Variants in LMF1 observed in about 807,000 individuals in gnomAD.
The protein encoded by LMF1 is lipase maturation factor 1.
Under a neutral mutation model 60.6 loss-of-function variants are expected in LMF1, and 68 were observed. The ratio of observed to expected loss-of-function variants is 1.12; its 90% CI spans 0.92 to 1.37. LMF1 has a LOEUF of 1.37. LMF1 is among the 40% of genes most tolerant of loss of function. LMF1 has a pLI of 0.00. For missense variants in LMF1, 948 were observed against 767.2 expected (o/e 1.24, Z -2.78); for synonymous variants, 418 against 324.7 (o/e 1.29, Z -3.09).
chr16:873,696 T>A (rs1362258362), intron 6 of LMF1: 2 of 152,120 alleles, frequency 1.3e-5, no homozygotes, highest in Non-Finnish European at 2.9e-5. Context: ...GTGTTCCAGG[T>A]GGGCACTCTG....
intron 10 of LMF1, among the ~76,000 whole-genome samples, chr16:862,272 T>C (rs909206951): frequency 2.0e-5 from 3 of 150,918 alleles, no homozygotes; most frequent in Non-Finnish European, 4.4e-5. Flanking sequence ...ACCTGCCGAG[T>C]AGTTGGGATT....
In LMF1 at chr16:976,500, G is replaced by A. The variant is rs981177672; in HGVS notation, c.-135+4645C>T. ...TGGGCCTCCCTCGACGGAAGGTGAC[G>A]CTCTCTGGGAGGTCCTTGGTGCTCA... On this transcript the variant is annotated intron_variant, in intron 1 of 6. Coordinates refer to the LMF1 transcript ENST00000570014. 56 of 453,988 alleles carry A rather than the reference G, an allele frequency of 1.2e-4. No individual in the cohort carries two copies. In the Admixed American group the frequency reaches 1.3e-3, roughly 10 times the overall value. The allele number at this position is 453,988 out of a possible 1,614,324, so 28.1% of individuals were successfully genotyped here. A position where few individuals can be genotyped will look rare whatever the true frequency, so the allele number is the denominator to read the frequency against.
At chr16:960,029 G>A (rs905288881) in intron 1 of LMF1, among the ~76,000 whole-genome samples, 2 of 152,190 alleles carry the variant, frequency 1.3e-5, no homozygotes, top group Non-Finnish European at 2.9e-5. Context: ...GACACACAGA[G>A]CCTAGCTCTA....
At chr16:917,022 G>A (rs1425792419) in intron 3 of LMF1, among the ~76,000 whole-genome samples, 2 of 152,206 alleles carry the variant, frequency 1.3e-5, no homozygotes, top group Admixed American at 6.5e-5. Flanking sequence ...ACTGCTCAGC[G>A]TCGGGGATGG....
intron 4 of LMF1, among the ~76,000 whole-genome samples, chr16:905,811 G>A (rs562477994): frequency 6.6e-6 from 1 of 152,118 alleles, no homozygotes; most frequent in South Asian, 2.1e-4. Flanking sequence ...GTCTCACTAT[G>A]TTGCCCAGTC....
chr16:953,438 CGGA>C (rs1567309963), intron 2 of LMF1, among the ~76,000 whole-genome samples: 6 of 64,976 alleles, frequency 9.2e-5, no homozygotes, highest in Admixed American at 2.9e-4. Context: ...CACACAGACA[CGGA>C]CCCCACACCA....
chr16:954,134 G>A, intron 2 of LMF1: 1 of 672,818 alleles, frequency 1.5e-6, no homozygotes. Flanking sequence ...CTTTAAGTAA[G>A]GAAGAGCTAC....
At chr16:931,523 C>A in intron 3 of LMF1, 2 of 796,106 alleles carry the variant, frequency 2.5e-6, no homozygotes, top group East Asian at 6.6e-5. Context: ...CTGCATTCTC[C>A]CAGGCCGTCC....
Position 962,794 on chromosome 16 carries a change from T to C in LMF1, c.193+7994A>G, listed in dbSNP as rs994641704. Among the ~76,000 whole-genome samples the C allele has an allele frequency of 2.0e-5, 3 of 152,164 alleles. No individual in the cohort carries two copies. The highest frequency in any genetic ancestry group is 7.2e-5 in the African/African-American group (3 of 41,428). ...GCACGGGTGGAAAAGCCATAGAGTC[T>C]GCAGTTTCAGTTAATAGTTTTATTT... On this transcript the variant is annotated intron_variant, in intron 1 of 10. Transcript: ENST00000262301. This position sits in a 1 kb window ranked among gnomAD's most constrained non-coding sequence, Gnocchi z 4.5.
At position 962,564 on chromosome 16, in the gene LMF1, T is replaced by C. The variant is rs2072833016; in HGVS notation, c.194-7898A>G. On this transcript the variant is annotated intron_variant, in intron 1 of 10. Coordinates refer to ENST00000262301, the MANE Select transcript of LMF1 (RefSeq NM_022773.4). The surrounding 1 kb of genome is among the most constrained non-coding windows in gnomAD (Gnocchi z 4.5). ...TGACGGGAAGGGCCCCGCACCTCTGTGGGCGTCTTCCCAAAACCCATCACC... is the reference window on the plus strand; with the variant it reads ...TGACGGGAAGGGCCCCGCACCTCTGCGGGCGTCTTCCCAAAACCCATCACC... Among the ~76,000 whole-genome samples, 1 of 152,150 alleles carries C rather than the reference T, an allele frequency of 6.6e-6. No individual in the cohort carries two copies. The highest frequency in any genetic ancestry group is 1.5e-5 in the Non-Finnish European group (1 of 68,034).
chr16:962,631 G>A lies in LMF1; in HGVS notation c.194-7965C>T, dbSNP rs1391812953. On this transcript the variant is annotated intron_variant, in intron 1 of 10. Coordinates refer to ENST00000262301, the MANE Select transcript of LMF1 (RefSeq NM_022773.4). This position sits in a 1 kb window ranked among gnomAD's most constrained non-coding sequence, Gnocchi z 4.5. ...AAACACCAGACGGACCCAACGTGAG[G>A]GACGCTCTACAGACGCCATGACAGG... Among the ~76,000 whole-genome samples, 1 of 152,166 alleles carries A rather than the reference G, an allele frequency of 6.6e-6. No individual in the cohort carries two copies. The highest frequency in any genetic ancestry group is 1.5e-5 in the Non-Finnish European group (1 of 68,036).
intron 1 of LMF1, among the ~76,000 whole-genome samples, chr16:955,773 G>A (rs537833582): frequency 6.6e-6 from 1 of 152,200 alleles, no homozygotes; most frequent in Non-Finnish European, 1.5e-5. Flanking sequence ...CTGACCAACC[G>A]GACTGCACTC....
At chr16:859,153 C>CAGTGGTGTCTCGGGACGGGTGTG (rs1567135669) in intron 10 of LMF1, among the ~76,000 whole-genome samples, 14 of 79,222 alleles carry the variant, frequency 1.8e-4, no homozygotes, top group African/African-American at 4.5e-4. Flanking sequence ...GACGGGTGTG[C>CAGTGGTGTCTCGGGACGGGTGTG]AGTGGTGTCT....
chr16:930,831 T>C (rs1267382378), intron 3 of LMF1, among the ~76,000 whole-genome samples: 2 of 152,140 alleles, frequency 1.3e-5, no homozygotes, highest in Non-Finnish European at 2.9e-5. Flanking sequence ...GGGCTGAGAA[T>C]GGTCTGGGGC....
chr16:863,145 C>T (rs1887412260), intron 10 of LMF1, among the ~76,000 whole-genome samples: 1 of 152,012 alleles, frequency 6.6e-6, no homozygotes. Flanking sequence ...TTATCCTTTT[C>T]AGATTGCAGG....
intron 1 of LMF1, among the ~76,000 whole-genome samples, chr16:954,898 T>C (rs1187210383): frequency 2.0e-5 from 3 of 147,072 alleles, no homozygotes; most frequent in African/African-American, 7.6e-5. Context: ...CGCATACACA[T>C]CTAAGTGAAC....
chr16:911,547 TGGGGGGGCAGCACTTG>T lies in LMF1; in HGVS notation c.515-484_515-469del, dbSNP rs1567225506. On this transcript the variant is annotated intron_variant, in intron 3 of 10. Transcript: ENST00000262301. ...GGAGGCAGCACTGGGGGGGCAGCACTGGGGGGGCAGCACTTGGGGGAGGCAGCACTGGGGGGGCAGC... is the reference window on the plus strand; with the variant it reads ...GGAGGCAGCACTGGGGGGGCAGCACTGGGGAGGCAGCACTGGGGGGGCAGC... Among the ~76,000 whole-genome samples the T allele has an allele frequency of 9.4e-3, 689 of 73,302 alleles. 15 individuals are homozygous for T. Among genetic ancestry groups the T allele is most frequent in the South Asian group, 0.075 (143 of 1,910 alleles). The allele number at this position is 73,302 out of a possible 152,430, so 48.1% of individuals were successfully genotyped here.
At chr16:945,213 A>C (rs2072208800) in intron 2 of LMF1, among the ~76,000 whole-genome samples, 1 of 122,808 alleles carries the variant, frequency 8.1e-6, no homozygotes, top group Non-Finnish European at 1.9e-5. Flanking sequence ...CTCCATCTCA[A>C]AAAAAAAAAA....
chr16:875,502 T>C (rs2069946914), intron 6 of LMF1, among the ~76,000 whole-genome samples: 1 of 152,166 alleles, frequency 6.6e-6, no homozygotes, highest in Non-Finnish European at 1.5e-5. Flanking sequence ...ACTTTCTCCA[T>C]TTACTTAAGT....
Sources: gnomAD v4.1 joint callset for allele counts (sites outside exome capture counted in the v4.1 genomes callset) on GRCh38, gnomAD v4.1.1 for gene constraint, Gnocchi (gnomAD v3.1) non-coding constraint, MANE v1.5 for transcripts, NCBI Gene and HGNC (gene_info 2026-07-23, HGNC 2026-07-21) for gene names.